The following MC2R variants were observed in gnomAD, a reference collection of about 807,000 sequenced individuals.
The protein encoded by MC2R is adrenocorticotropic hormone receptor.
MC2R carries 9 observed loss-of-function variants against 9.8 expected under a neutral mutation model. That is an observed-to-expected ratio of 0.92 (90% CI 0.55 to 1.60). The LOEUF is 1.60. MC2R is among the 40% of genes most tolerant of loss of function. The pLI is 0.00. For synonymous variants in MC2R, 185 were observed against 154.7 expected (o/e 1.20, Z -1.45); for missense variants, 370 against 389.0 (o/e 0.95, Z 0.41).
intron 1 of MC2R, among the ~76,000 whole-genome samples, chr18:13,894,040 T>C (rs1167506761): frequency 1.3e-5 from 2 of 152,240 alleles, no homozygotes; most frequent in African/African-American, 4.8e-5. Context: ...GTGTCTCACC[T>C]CTGCTCACTC....
At chr18:13,913,268 C>T (rs553285986) in intron 1 of MC2R, among the ~76,000 whole-genome samples, 1 of 152,314 alleles carries the variant, frequency 6.6e-6, no homozygotes, top group Admixed American at 6.5e-5. Context: ...GCTCACATCT[C>T]CCGTCCTCTG....
At position 13,884,495 on chromosome 18, in the gene MC2R, G is replaced by A; in HGVS notation, c.*130C>T. 1 of 998,622 alleles carries A rather than the reference G, an allele frequency of 1.0e-6. No homozygotes were observed. The highest frequency in any genetic ancestry group is 1.6e-6 in the Non-Finnish European group (1 of 640,406). The allele number at this position is 998,622 out of a possible 1,614,324, so 61.9% of individuals were successfully genotyped here. ...AACCTAGCTATTAGAAACACTAGCT[G>A]GTGGGATCATCCTTGCATCCATTAG... On this transcript the variant is annotated 3_prime_UTR_variant, in exon 2 of 2. Transcript: ENST00000327606.
intron 1 of MC2R, among the ~76,000 whole-genome samples, chr18:13,893,713 AAG>A (rs540256901): frequency 2.9e-4 from 44 of 151,944 alleles, no homozygotes; most frequent in Non-Finnish European, 5.3e-4. Flanking sequence ...TCAATAACAA[AAG>A]AGAAGATTTT....
chr18:13,888,069 A>G (rs892963838), intron 1 of MC2R, among the ~76,000 whole-genome samples: 2 of 152,104 alleles, frequency 1.3e-5, no homozygotes, highest in African/African-American at 4.8e-5. Flanking sequence ...AATCAGAATT[A>G]GTATATATTT....
intron 1 of MC2R, among the ~76,000 whole-genome samples, chr18:13,914,023 A>G (rs1449852582): frequency 6.6e-6 from 1 of 152,150 alleles, no homozygotes; most frequent in African/African-American, 2.4e-5. Context: ...ATTCCATAGG[A>G]AACATACCTG....
At chr18:13,906,941 C>T (rs1231664887) in intron 1 of MC2R, among the ~76,000 whole-genome samples, 1 of 152,116 alleles carries the variant, frequency 6.6e-6, no homozygotes, top group East Asian at 1.9e-4. Flanking sequence ...TTAAAATTTC[C>T]ATACTACCCA....
At chr18:13,914,098 G>A (rs916625400) in intron 1 of MC2R, among the ~76,000 whole-genome samples, 2 of 151,374 alleles carry the variant, frequency 1.3e-5, no homozygotes, top group Non-Finnish European at 2.9e-5. Context: ...GTTGCTCTGA[G>A]GCAGTGAGAG....
At chr18:13,891,178 A>T (rs190475163) in intron 1 of MC2R, among the ~76,000 whole-genome samples, 1 of 152,198 alleles carries the variant, frequency 6.6e-6, no homozygotes, top group Non-Finnish European at 1.5e-5. Flanking sequence ...ATTCAAAGAG[A>T]GTATATTGTA....
chr18:13,885,560 G>A lies in MC2R; in HGVS notation c.-42C>T, dbSNP rs760176195. On this transcript the variant is annotated 5_prime_UTR_variant, in exon 2 of 2. Transcript: ENST00000327606. ...TAAGGCGGGGATGTTACTTGGACTT[G>A]ACTTCACGGAAAACTTGATTGATTC... The A allele has an allele frequency of 3.1e-6, 5 of 1,606,040 alleles. No homozygotes were observed. In the African/African-American group the frequency reaches 6.7e-5, roughly 21 times the overall value.
At chr18:13,908,975 C>A (rs1359223720) in intron 1 of MC2R, among the ~76,000 whole-genome samples, 1 of 152,064 alleles carries the variant, frequency 6.6e-6, no homozygotes. Flanking sequence ...AACTAGTGGA[C>A]CAATATTGAC....
intron 1 of MC2R, 51 bp downstream of exon 1, chr18:13,915,437 A>G (rs1293988081): frequency 3.3e-5 from 5 of 152,682 alleles, no homozygotes; most frequent in African/African-American, 1.2e-4. Flanking sequence ...TGCTCTATTC[A>G]TGGTCCAAAA....
At chr18:13,889,363 A>G (rs1598461342) in intron 1 of MC2R, among the ~76,000 whole-genome samples, 1 of 152,372 alleles carries the variant, frequency 6.6e-6, no homozygotes, top group Admixed American at 6.5e-5. Flanking sequence ...GAAAAGAGAC[A>G]AGTTTTTCAT....
chr18:13,910,684 G>A (rs925733987), intron 1 of MC2R, among the ~76,000 whole-genome samples: 5 of 152,228 alleles, frequency 3.3e-5, no homozygotes, highest in Non-Finnish European at 7.3e-5. Flanking sequence ...ACCAGGGGCT[G>A]CTGGTCCCTG....
intron 1 of MC2R, among the ~76,000 whole-genome samples, chr18:13,914,747 G>T (rs898034339): frequency 6.6e-6 from 1 of 152,192 alleles, no homozygotes; most frequent in Non-Finnish European, 1.5e-5. Flanking sequence ...CTGTTTAATC[G>T]AATGCCTGGG....
chr18:13,894,431 A>G (rs2045334924), intron 1 of MC2R, among the ~76,000 whole-genome samples: 1 of 152,182 alleles, frequency 6.6e-6, no homozygotes, highest in Non-Finnish European at 1.5e-5. Flanking sequence ...AGACCTCCCT[A>G]ACTATGGTTG....
At chr18:13,903,839 C>T (rs968366531) in intron 1 of MC2R, among the ~76,000 whole-genome samples, 1 of 151,840 alleles carries the variant, frequency 6.6e-6, no homozygotes, top group African/African-American at 2.4e-5. Context: ...AAAATGCAGC[C>T]TTAAAGGAAA....
chr18:13,901,559 G>A (rs930483868), intron 1 of MC2R, among the ~76,000 whole-genome samples: 15 of 151,772 alleles, frequency 9.9e-5, no homozygotes, highest in Admixed American at 3.3e-4. Context: ...AAAAAGAGAC[G>A]TTACAACTGA....
chr18:13,907,340 C>T (rs138349515), intron 1 of MC2R, among the ~76,000 whole-genome samples: 1 of 152,092 alleles, frequency 6.6e-6, no homozygotes, highest in Non-Finnish European at 1.5e-5. Context: ...TGAAACTAGG[C>T]CTCTATCTCT....
chr18:13,911,861 A>G (rs959252503), intron 1 of MC2R, among the ~76,000 whole-genome samples: 4 of 152,188 alleles, frequency 2.6e-5, no homozygotes, highest in African/African-American at 9.6e-5. Context: ...GTTATATGTC[A>G]TTGGAAATCC....
Sources: gnomAD v4.1 joint callset for allele counts (sites outside exome capture counted in the v4.1 genomes callset) on GRCh38, gnomAD v4.1.1 for gene constraint, MANE v1.5 for transcripts, NCBI Gene and HGNC (gene_info 2026-07-23, HGNC 2026-07-21) for gene names.